MAGI2: variants seen among roughly 807,000 people sequenced by gnomAD.
MAGI2 encodes the protein membrane associated guanylate kinase, WW and PDZ domain containing 2, also known as membrane-associated guanylate kinase, WW and PDZ domain-containing protein 2.
MAGI2 carries 35 observed loss-of-function variants against 133.3 expected under a neutral mutation model. The observed-to-expected ratio is 0.26, with a 90% CI of 0.20 to 0.35. The LOEUF is 0.35. Ranked by LOEUF, MAGI2 falls within the 10% of genes least tolerant of loss-of-function variation. The pLI, the probability that MAGI2 is intolerant of heterozygous loss-of-function variation, is 1.00. For missense variants in MAGI2, 1,636 were observed against 1,863.4 expected (o/e 0.88, Z 2.25); for synonymous variants, 729 against 710.6 (o/e 1.03, Z -0.41).
chr7:79,315,441 T>C (rs1035467110), intron 1 of MAGI2, among the ~76,000 whole-genome samples: 1 of 151,398 alleles, frequency 6.6e-6, no homozygotes, highest in Non-Finnish European at 1.5e-5. Flanking sequence ...CTCCAAAGTG[T>C]TAGGATTATA....
intron 3 of MAGI2, among the ~76,000 whole-genome samples, chr7:78,574,323 T>C (rs983603447): frequency 6.6e-6 from 1 of 152,238 alleles, no homozygotes; most frequent in Non-Finnish European, 1.5e-5. Context: ...CAGTCAGATG[T>C]ATTCCTCCAT....
intron 1 of MAGI2, among the ~76,000 whole-genome samples, chr7:79,229,631 G>C (rs1239250412): frequency 6.6e-6 from 1 of 152,154 alleles, no homozygotes; most frequent in East Asian, 1.9e-4. Context: ...TCTGTGTTTA[G>C]CATAATTGAC....
chr7:79,020,847 A>G (rs1325182119), intron 1 of MAGI2, among the ~76,000 whole-genome samples: 2 of 152,094 alleles, frequency 1.3e-5, no homozygotes, highest in Admixed American at 6.6e-5. Flanking sequence ...TCTCCAGGGC[A>G]TGTCAGAGGT....
At chr7:78,958,697 G>A (rs975629594) in intron 2 of MAGI2, among the ~76,000 whole-genome samples, 3 of 152,072 alleles carry the variant, frequency 2.0e-5, no homozygotes, top group South Asian at 2.1e-4. Flanking sequence ...TTCTCCATTC[G>A]TTGGTCAATG....
At chr7:78,708,875 C>A (rs139006983) in intron 2 of MAGI2, among the ~76,000 whole-genome samples, 1 of 151,932 alleles carries the variant, frequency 6.6e-6, no homozygotes, top group Middle Eastern at 3.2e-3. Context: ...TTTAAAGTAC[C>A]TTATAAGACA....
intron 1 of MAGI2, among the ~76,000 whole-genome samples, chr7:79,273,311 T>C (rs954396308): frequency 3.9e-5 from 6 of 152,130 alleles, no homozygotes; most frequent in Non-Finnish European, 8.8e-5. Flanking sequence ...AAATTAGTAC[T>C]GAATCTCTAA....
chr7:79,077,726 CATT>C (rs2129541672), intron 1 of MAGI2, among the ~76,000 whole-genome samples: 1 of 150,926 alleles, frequency 6.6e-6, no homozygotes, highest in African/African-American at 2.4e-5. Flanking sequence ...GCCTTGTTTT[CATT>C]ATTATTTTCC....
chr7:78,584,786 A>C (rs1446942366), intron 3 of MAGI2, among the ~76,000 whole-genome samples: 1 of 152,230 alleles, frequency 6.6e-6, no homozygotes, highest in Non-Finnish European at 1.5e-5. Flanking sequence ...ACCTTGGCTC[A>C]AATCCTGATT....
intron 6 of MAGI2, chr7:78,456,806 G>A (rs1409611051): frequency 6.6e-6 from 1 of 152,138 alleles, no homozygotes; most frequent in African/African-American, 2.4e-5. Context: ...GAAAGGAAAA[G>A]GGAGTCTAGT....
At chr7:78,304,946 T>G (rs62463913) in intron 9 of MAGI2, among the ~76,000 whole-genome samples, 7,133 of 152,286 alleles carry the variant, frequency 0.047, 230 homozygotes, top group South Asian at 0.12. Flanking sequence ...GTGTGTGGAA[T>G]GGAGTAGCAC....
rs116474577 is a variant in MAGI2, at chr7:79,295,838, C to T, written c.301+157182G>A. ...TTATTAGATATATCATAATTTTAAA[C>T]GTGATCAAGAAGAAAACACACTTCC... is the stretch of plus-strand genomic sequence containing the variant. On this transcript the variant is annotated intron_variant, in intron 1 of 21. Coordinates refer to ENST00000354212, the MANE Select transcript of MAGI2 (RefSeq NM_012301.4). Among the ~76,000 whole-genome samples the T allele has an allele frequency of 2.6e-3, 395 of 152,052 alleles. 1 individual carries two copies. The highest frequency in any genetic ancestry group is 9.2e-3 in the African/African-American group (383 of 41,478).
chr7:79,206,264 T>C (rs1418755399), intron 1 of MAGI2, among the ~76,000 whole-genome samples: 1 of 149,288 alleles, frequency 6.7e-6, no homozygotes, highest in Non-Finnish European at 1.5e-5. Flanking sequence ...AGACTACGAA[T>C]ACAATAGAAA....
Position 78,961,696 on chromosome 7 carries a change from T to C in MAGI2, c.418+45394A>G, listed in dbSNP as rs551419925. Among the ~76,000 whole-genome samples the C allele has an allele frequency of 3.9e-5, 6 of 152,228 alleles. No individual in the cohort carries two copies. The East Asian group carries it at 9.7e-4, about 25-fold the overall frequency. On this transcript the variant is annotated intron_variant, in intron 2 of 21. Coordinates refer to ENST00000354212, the MANE Select transcript of MAGI2 (RefSeq NM_012301.4). ...GCCCTCTAAAACAAACTATATCTGC[T>C]AGTTTGGTGTTTAGAGCTAAGCTTT...
At chr7:78,984,076 G>T (rs1446621378) in intron 2 of MAGI2, among the ~76,000 whole-genome samples, 1 of 151,958 alleles carries the variant, frequency 6.6e-6, no homozygotes, top group African/African-American at 2.4e-5. Flanking sequence ...GACTGCATTA[G>T]TCCAGAGACT....
intron 7 of MAGI2, chr7:78,359,548 A>G (rs1792553122): frequency 6.6e-6 from 1 of 152,172 alleles, no homozygotes; most frequent in Non-Finnish European, 1.5e-5. Flanking sequence ...ATGTCTTTGG[A>G]TATCAAGTAT....
At chr7:78,999,158 A>T (rs546961845) in intron 2 of MAGI2, among the ~76,000 whole-genome samples, 1 of 152,306 alleles carries the variant, frequency 6.6e-6, no homozygotes, top group Non-Finnish European at 1.5e-5. Context: ...CTCCTATGAA[A>T]AAAAGGAAAG....
At chr7:79,377,447 A>G (rs1456965059) in intron 1 of MAGI2, among the ~76,000 whole-genome samples, 1 of 151,858 alleles carries the variant, frequency 6.6e-6, no homozygotes, top group Non-Finnish European at 1.5e-5. Context: ...ATTGCCATCC[A>G]TTATCAAACA....
In MAGI2 at chr7:78,050,831, G is replaced by T. The variant is rs146840543; in HGVS notation, c.3706+28116C>A. On this transcript the variant is annotated intron_variant, in intron 21 of 21. Transcript: ENST00000354212. ...AAACAGCACATATTTGCAGGCAAAG[G>T]CATTCTTACCAGGAAGAGTGATAAC... Among the ~76,000 whole-genome samples, 130 of 152,238 alleles carry T rather than the reference G, an allele frequency of 8.5e-4. No homozygotes were observed. In the Middle Eastern group the frequency reaches 0.01, roughly 12 times the overall value.
chr7:78,966,338 C>A (rs557452251), intron 2 of MAGI2, among the ~76,000 whole-genome samples: 1 of 152,030 alleles, frequency 6.6e-6, no homozygotes, highest in African/African-American at 2.4e-5. Flanking sequence ...CCCTCCATTT[C>A]CCTCTCCCTC....
Sources: allele counts gnomAD v4.1 joint callset (sites outside exome capture counted in the v4.1 genomes callset), GRCh38; gene constraint gnomAD v4.1.1; transcripts MANE v1.5; gene names NCBI Gene and HGNC (gene_info 2026-07-23, HGNC 2026-07-21).